Variants in CARMIL1 observed in about 807,000 individuals in gnomAD.
CARMIL1 encodes the protein F-actin-uncapping protein LRRC16A.
CARMIL1 carries 90 observed loss-of-function variants against 177.1 expected under a neutral mutation model. The ratio of observed to expected loss-of-function variants is 0.51; its 90% CI spans 0.43 to 0.61. CARMIL1 has a LOEUF of 0.61. CARMIL1 is among the 20% of genes least tolerant of loss of function. The pLI is 0.00. For missense variants in CARMIL1, 1,380 were observed against 1,667.0 expected (o/e 0.83, Z 3.00); for synonymous variants, 577 against 606.2 (o/e 0.95, Z 0.71).
chr6:25,407,845 G>C (rs574575410), intron 2 of CARMIL1, among the ~76,000 whole-genome samples: 130 of 152,310 alleles, frequency 8.5e-4, no homozygotes, highest in Middle Eastern at 6.8e-3. Flanking sequence ...CTGAATAAGG[G>C]AACTAGCTAT....
intron 2 of CARMIL1, among the ~76,000 whole-genome samples, chr6:25,391,427 G>A (rs896603142): frequency 2.0e-5 from 3 of 152,180 alleles, no homozygotes; most frequent in African/African-American, 7.2e-5. Context: ...GCTGACAGGA[G>A]CCCTAAGGAC....
intron 2 of CARMIL1, among the ~76,000 whole-genome samples, chr6:25,387,114 C>CAAAAAAAAAAAAAAAAAAAAAAAA (rs377548646): frequency 2.0e-5 from 2 of 101,916 alleles, no homozygotes; most frequent in African/African-American, 8.9e-5. Flanking sequence ...ACTCTGTCTC[C>CAAAAAAAAAAAAAAAAAAAAAAAA]AAAAAAAAAA....
At chr6:25,441,375 A>G (rs1384763321) in intron 5 of CARMIL1, among the ~76,000 whole-genome samples, 1,633 of 67,542 alleles carry the variant, frequency 0.024, 15 homozygotes, top group Admixed American at 0.03. Context: ...GTGTGTGTCT[A>G]TGTGTGTGTG....
chr6:25,598,785 G>A (rs1265985606), intron 32 of CARMIL1, among the ~76,000 whole-genome samples: 3 of 152,164 alleles, frequency 2.0e-5, no homozygotes, highest in Non-Finnish European at 4.4e-5. Context: ...TGTGGGTAGA[G>A]CTTGTCGACT....
chr6:25,408,415 G>A (rs916683071), intron 2 of CARMIL1, among the ~76,000 whole-genome samples: 11 of 151,072 alleles, frequency 7.3e-5, no homozygotes, highest in African/African-American at 2.2e-4. Flanking sequence ...GAGTGAACAA[G>A]AAGGCCGAAG....
intron 2 of CARMIL1, among the ~76,000 whole-genome samples, chr6:25,366,563 C>CTCCT (rs762020549): frequency 1.8e-4 from 27 of 151,282 alleles, no homozygotes; most frequent in Non-Finnish European, 3.4e-4. Flanking sequence ...GAATGTAAAC[C>CTCCT]TCCTGAAGGC....
At chr6:25,361,875 C>A (rs908944500) in intron 2 of CARMIL1, among the ~76,000 whole-genome samples, 1 of 151,800 alleles carries the variant, frequency 6.6e-6, no homozygotes, top group African/African-American at 2.4e-5. Context: ...GGAAGGCCCT[C>A]GCCAGATGCA....
intron 12 of CARMIL1, 41 bp downstream of exon 12, chr6:25,482,384 T>C (rs775733549): frequency 2.1e-6 from 2 of 937,918 alleles, no homozygotes; most frequent in South Asian, 1.6e-5. Context: ...GTCTGAAATA[T>C]TTCTGCTGCA....
intron 2 of CARMIL1, among the ~76,000 whole-genome samples, chr6:25,390,326 T>A (rs201784066): frequency 2.1e-4 from 25 of 120,648 alleles, no homozygotes; most frequent in East Asian, 1.4e-3. Flanking sequence ...ATATATTTTT[T>A]TTTTTTTTTT....
At chr6:25,428,027 G>A (rs1796424891) in intron 4 of CARMIL1, among the ~76,000 whole-genome samples, 1 of 152,146 alleles carries the variant, frequency 6.6e-6, no homozygotes. Flanking sequence ...TGTTGATGAA[G>A]TCCAATTTAT....
intron 2 of CARMIL1, among the ~76,000 whole-genome samples, chr6:25,404,485 G>T (rs893226020): frequency 9.2e-5 from 14 of 152,154 alleles, no homozygotes; most frequent in African/African-American, 3.4e-4. Context: ...GGCTGGGCGC[G>T]GTGGCTCATG....
intron 13 of CARMIL1, among the ~76,000 whole-genome samples, chr6:25,491,351 C>G (rs960673016): frequency 2.0e-5 from 3 of 152,130 alleles, no homozygotes; most frequent in Non-Finnish European, 2.9e-5. Flanking sequence ...CAAACACTTT[C>G]AAAAGTGATT....
At chr6:25,480,068 ACTTT>A (rs1410750516) in intron 11 of CARMIL1, among the ~76,000 whole-genome samples, 4 of 152,090 alleles carry the variant, frequency 2.6e-5, no homozygotes, top group African/African-American at 4.8e-5. Context: ...ATTTGTTGAG[ACTTT>A]CTTTATGGCT....
intron 2 of CARMIL1, among the ~76,000 whole-genome samples, chr6:25,387,399 T>C (rs905004992): frequency 6.6e-6 from 1 of 152,236 alleles, no homozygotes; most frequent in Admixed American, 6.5e-5. Flanking sequence ...AATAAGTGAA[T>C]AGCTGAATCT....
chr6:25,614,348 A>G (rs1422229300), intron 36 of CARMIL1, among the ~76,000 whole-genome samples: 2 of 152,206 alleles, frequency 1.3e-5, no homozygotes, highest in African/African-American at 4.8e-5. Context: ...TGCCCTAGAG[A>G]AAGCCAATTA....
In CARMIL1 at chr6:25,326,431, A is replaced by G. The variant is rs1178386674; in HGVS notation, c.138+41522A>G. ...TACTGGGGAAATAACATAATCTGAT[A>G]TGTTTAAAATGATTACTGAGGCTTC... On this transcript the variant is annotated intron_variant, in intron 2 of 36. Coordinates refer to ENST00000329474, the MANE Select transcript of CARMIL1 (RefSeq NM_017640.6). The surrounding 1 kb of genome is among the most constrained non-coding windows in gnomAD (Gnocchi z 4.2). 6.6e-6 allele frequency among the ~76,000 whole-genome samples: 1 copy of G among 152,206 alleles called. No individual in the cohort carries two copies. The highest frequency in any genetic ancestry group is 1.5e-5 in the Non-Finnish European group (1 of 68,038).
At chr6:25,524,949 A>G (rs1806944886) in intron 23 of CARMIL1, among the ~76,000 whole-genome samples, 1 of 152,186 alleles carries the variant, frequency 6.6e-6, no homozygotes, top group Non-Finnish European at 1.5e-5. Flanking sequence ...AAAGAAAAAA[A>G]GAAAAGAAAA....
chr6:25,373,858 AG>A (rs1790706543), intron 2 of CARMIL1, among the ~76,000 whole-genome samples: 1 of 152,152 alleles, frequency 6.6e-6, no homozygotes, highest in South Asian at 2.1e-4. Flanking sequence ...CTGGGATTAC[AG>A]GCCTGAGCCA....
intron 29 of CARMIL1, among the ~76,000 whole-genome samples, chr6:25,568,139 G>C (rs1811715650): frequency 6.6e-6 from 1 of 152,070 alleles, no homozygotes; most frequent in Non-Finnish European, 1.5e-5. Context: ...CTTGGAAACT[G>C]GACCAAAAAA....
Sources: allele counts gnomAD v4.1 joint callset (sites outside exome capture counted in the v4.1 genomes callset), GRCh38; gene constraint gnomAD v4.1.1; non-coding constraint Gnocchi (gnomAD v3.1); transcripts MANE v1.5; gene names NCBI Gene and HGNC (gene_info 2026-07-23, HGNC 2026-07-21).